The following CDH4 variants were observed in gnomAD, a reference collection of about 807,000 sequenced individuals.
The protein encoded by CDH4 is cadherin-4.
Under a neutral mutation model 86.0 loss-of-function variants are expected in CDH4, and 33 were observed. The ratio of observed to expected loss-of-function variants is 0.38; its 90% confidence interval spans 0.29 to 0.51. The LOEUF (loss-of-function observed/expected upper bound fraction) is 0.51. CDH4 is among the 20% of genes least tolerant of loss of function. CDH4 has a pLI of 0.86. For synonymous variants in CDH4, 555 were observed against 549.4 expected, an observed-to-expected ratio of 1.01 and a Z score of -0.14; for missense variants, 1,114 against 1,307.4, an observed-to-expected ratio of 0.85 and a Z score of 2.28.
At chr20:61,435,262 G>A (rs2085274324) in intron 2 of CDH4, among the ~76,000 whole-genome samples, 1 of 152,184 alleles carries the variant, frequency 6.6e-6, no homozygotes, top group Admixed American at 6.5e-5. Context: ...GCCATTACTG[G>A]GACCATTTTA....
rs551794487 is a variant in CDH4 at position 61,578,645 on chromosome 20, A to G, written c.170-164918A>G. Among the ~76,000 whole-genome samples the G allele has an allele frequency of 1.1e-3, 174 of 152,244 alleles. 1 individual carries two copies. The highest frequency in any genetic ancestry group is 3.7e-3 in the African/African-American group (154 of 41,546). On this transcript the variant is annotated intron_variant, in intron 2 of 15. Coordinates refer to ENST00000614565, the MANE Select transcript of CDH4 (RefSeq NM_001794.5). ...TGGTCGGCCAGGATTCTCACCAAGG[A>G]CCTGGCCACCTCTCCTCCATCTCAT...
At chr20:61,487,008 C>T (rs2085600451) in intron 2 of CDH4, among the ~76,000 whole-genome samples, 1 of 152,072 alleles carries the variant, frequency 6.6e-6, no homozygotes, top group African/African-American at 2.4e-5. Flanking sequence ...GAGGAAGGGC[C>T]CTGGAGTCAC....
intron 2 of CDH4, among the ~76,000 whole-genome samples, chr20:61,581,099 G>C (rs2086424764): frequency 6.6e-6 from 1 of 152,218 alleles, no homozygotes; most frequent in South Asian, 2.1e-4. Context: ...GGAGCAGGTA[G>C]GGTCTTCCTC....
chr20:61,555,524 G>A (rs545047941), intron 2 of CDH4, among the ~76,000 whole-genome samples: 10 of 152,154 alleles, frequency 6.6e-5, no homozygotes, highest in South Asian at 2.1e-4. Flanking sequence ...TTGCCATGAC[G>A]ATCATGCCCC....
intron 2 of CDH4, among the ~76,000 whole-genome samples, chr20:61,383,851 GAAGATATATATGC>G (rs1224725577): frequency 4.6e-5 from 4 of 86,428 alleles, no homozygotes; most frequent in African/African-American, 1.1e-4. Flanking sequence ...GCGTATATAT[GAAGATATATATGC>G]GTATATATGA....
intron 4 of CDH4, among the ~76,000 whole-genome samples, chr20:61,788,459 T>C (rs1005450034): frequency 1.3e-5 from 2 of 152,116 alleles, no homozygotes; most frequent in African/African-American, 4.8e-5. Flanking sequence ...CGGAAACTCA[T>C]CTTCCAGGAT....
At chr20:61,383,425 T>G (rs1195424640) in intron 2 of CDH4, among the ~76,000 whole-genome samples, 2 of 55,836 alleles carry the variant, frequency 3.6e-5, no homozygotes, top group Admixed American at 1.6e-4. Context: ...ATATATATGA[T>G]ATATATCATA....
chr20:61,472,819 T>C (rs1382513517), intron 2 of CDH4, among the ~76,000 whole-genome samples: 1 of 152,234 alleles, frequency 6.6e-6, no homozygotes, highest in Non-Finnish European at 1.5e-5. Flanking sequence ...ATGTAGAATT[T>C]TACACAGGCC....
intron 2 of CDH4, among the ~76,000 whole-genome samples, chr20:61,407,247 T>G (rs1421245317): frequency 2.0e-5 from 3 of 152,242 alleles, no homozygotes; most frequent in Non-Finnish European, 2.9e-5. Flanking sequence ...TGGTTCCGTA[T>G]GTGGCTGGGT....
At chr20:61,469,608 TG>T (rs1180930151) in intron 2 of CDH4, among the ~76,000 whole-genome samples, 1 of 152,182 alleles carries the variant, frequency 6.6e-6, no homozygotes, top group Non-Finnish European at 1.5e-5. Context: ...CCTGTGCTTG[TG>T]GGTGTTATTC....
chr20:61,814,032 G>T (rs576666911), intron 4 of CDH4, among the ~76,000 whole-genome samples: 1 of 152,328 alleles, frequency 6.6e-6, no homozygotes, highest in Non-Finnish European at 1.5e-5. Context: ...CAGACCAATT[G>T]TTCCAGGCAC....
chr20:61,271,070 G>A (rs1299764877), intron 2 of CDH4, among the ~76,000 whole-genome samples: 2 of 152,178 alleles, frequency 1.3e-5, no homozygotes, highest in East Asian at 3.9e-4. Flanking sequence ...CAGGCTTTTG[G>A]TAGAATCCCT....
In CDH4 at chr20:61,449,616, A is replaced by G. The variant is rs2085369386; in HGVS notation, c.169+194679A>G. 2.0e-5 allele frequency among the ~76,000 whole-genome samples: 3 copies of G among 152,202 alleles called. No individual in the cohort carries two copies. The South Asian group carries it at 6.2e-4, about 32-fold the overall frequency. Reference sequence around the variant, plus strand: ...ATTGCTTTGTAAAGATCATTTTAACAGTAGTGTATGTTGATGGTAGAGAAT... The same window carrying G: ...ATTGCTTTGTAAAGATCATTTTAACGGTAGTGTATGTTGATGGTAGAGAAT... On this transcript the variant is annotated intron_variant, in intron 2 of 15. Transcript: ENST00000614565.
intron 2 of CDH4, among the ~76,000 whole-genome samples, chr20:61,740,057 C>T (rs1190227095): frequency 6.6e-6 from 1 of 152,122 alleles, no homozygotes; most frequent in Non-Finnish European, 1.5e-5. Context: ...CAGGCGAAGA[C>T]TCCAAAAATT....
chr20:61,516,087 G>C lies in CDH4; in HGVS notation c.170-227476G>C, dbSNP rs955542942. Among the ~76,000 whole-genome samples, 19 of 152,158 alleles carry C rather than the reference G, an allele frequency of 1.2e-4. No homozygotes were observed. Among genetic ancestry groups the C allele is most frequent in the African/African-American group, 4.3e-4 (18 of 41,440 alleles). On this transcript the variant is annotated intron_variant, in intron 2 of 15. Transcript: ENST00000614565. The surrounding 1 kb of genome is among the most constrained non-coding windows in gnomAD (Gnocchi z 4.0). ...GGCAGGCAGCTCCCTCACCACAGGG[G>C]CTCGCCTCGTGCTCTGCGTTGCACT...
chr20:61,847,029 C>G (rs868326374), intron 5 of CDH4, among the ~76,000 whole-genome samples: 1 of 152,202 alleles, frequency 6.6e-6, no homozygotes, highest in African/African-American at 2.4e-5. Context: ...ACAGTGATTC[C>G]CAGGTGACCT....
chr20:61,757,866 G>A (rs1386064178), intron 3 of CDH4, among the ~76,000 whole-genome samples: 5 of 152,220 alleles, frequency 3.3e-5, no homozygotes, highest in Admixed American at 6.5e-5. Context: ...GACCTGAGTG[G>A]TAGCCATGCC....
intron 2 of CDH4, among the ~76,000 whole-genome samples, chr20:61,543,510 A>G (rs946950025): frequency 6.6e-6 from 1 of 152,268 alleles, no homozygotes; most frequent in Non-Finnish European, 1.5e-5. Context: ...CTAATCTCAC[A>G]ACCTTAATAG....
At chr20:61,302,016 T>C (rs761766049) in intron 2 of CDH4, among the ~76,000 whole-genome samples, 2 of 152,260 alleles carry the variant, frequency 1.3e-5, no homozygotes, top group Non-Finnish European at 2.9e-5. Flanking sequence ...GGTAGACTTA[T>C]GTATAATTAA....
Sources: gnomAD v4.1 joint callset for allele counts (sites outside exome capture counted in the v4.1 genomes callset) on GRCh38, gnomAD v4.1.1 for gene constraint, Gnocchi (gnomAD v3.1) non-coding constraint, MANE v1.5 for transcripts, NCBI Gene and HGNC (gene_info 2026-07-23, HGNC 2026-07-21) for gene names.